Variants in RPS6KA5 observed in about 807,000 individuals in gnomAD.
RPS6KA5 encodes the protein ribosomal protein S6 kinase A5, also known as ribosomal protein S6 kinase alpha-5.
In RPS6KA5, 27 loss-of-function variants were observed where a neutral mutation model predicts 85.5. The ratio of observed to expected loss-of-function variants is 0.32; its 90% CI spans 0.23 to 0.44. The LOEUF (loss-of-function observed/expected upper bound fraction) is 0.44, where lower values mean the gene tolerates loss of function less well. RPS6KA5 is among the 20% of genes least tolerant of loss of function. The pLI is 1.00. For missense variants in RPS6KA5, 811 were observed against 980.9 expected (o/e 0.83, Z 2.31); for synonymous variants, 334 against 348.2 (o/e 0.96, Z 0.46).
intron 14 of RPS6KA5, among the ~76,000 whole-genome samples, chr14:90,883,824 T>G (rs2034011238): frequency 6.6e-6 from 1 of 152,214 alleles, no homozygotes; most frequent in African/African-American, 2.4e-5. Context: ...GTTTTTTGAT[T>G]GTTATAGGCT....
chr14:90,906,262 T>C lies in RPS6KA5; in HGVS notation c.844A>G (p.Met282Val). The change falls in exon 8 of 17, where the codon ATG becomes GTG. Residue 282 changes from methionine (M) to valine (V), a missense_variant. By Grantham distance (21) the Met-to-Val change is conservative. Coordinates refer to ENST00000614987, the MANE Select transcript of RPS6KA5 (RefSeq NM_004755.4). Reference protein sequence around the residue: ...LKSEPPYPQEMSALAKDLIQR... With the variant: ...LKSEPPYPQEVSALAKDLIQR... ...ATTAGGTCTTTCGCTAAAGCACTCATTTCTTGGGGATATGGAGGCTCACTT... is the reference window on the plus strand; with the variant it reads ...ATTAGGTCTTTCGCTAAAGCACTCACTTCTTGGGGATATGGAGGCTCACTT... 1 of 1,611,756 alleles carries C rather than the reference T, an allele frequency of 6.2e-7. No homozygotes were observed. The highest frequency in any genetic ancestry group is 1.1e-5 in the South Asian group (1 of 90,836).
chr14:91,055,008 T>G (rs1304327997), intron 1 of RPS6KA5, among the ~76,000 whole-genome samples: 1 of 152,050 alleles, frequency 6.6e-6, no homozygotes, highest in Non-Finnish European at 1.5e-5. Context: ...GAATCAAATT[T>G]CTCCAAAGGT....
intron 1 of RPS6KA5, among the ~76,000 whole-genome samples, chr14:91,010,672 A>T (rs2041219703): frequency 6.6e-6 from 1 of 152,236 alleles, no homozygotes; most frequent in African/African-American, 2.4e-5. Flanking sequence ...AATTCTGTTC[A>T]AGGAATGAGG....
At position 90,848,871 on chromosome 14, in the gene RPS6KA5, C is replaced by G. The variant is rs1039023778; in HGVS notation, c.*23203G>C. On this transcript the variant is annotated 3_prime_UTR_variant, in exon 17 of 17. Transcript: ENST00000614987. The stretch of plus-strand genomic sequence containing the variant: ...TCATAGAATCCCTTATACTTTGTAA[C>G]ATTTTCTGCTTCCTTCTTAAAAACC... The G allele has an allele frequency of 6.6e-6, 1 of 152,100 alleles. No homozygotes were observed. The highest frequency in any genetic ancestry group is 2.4e-5 in the African/African-American group (1 of 41,388). 9.4% of individuals were successfully genotyped at this position (152,100 alleles called of 1,614,324 possible).
chr14:90,950,454 T>G (rs2038114182), intron 3 of RPS6KA5, among the ~76,000 whole-genome samples: 1 of 152,230 alleles, frequency 6.6e-6, no homozygotes, highest in Admixed American at 6.5e-5. Context: ...AAGTGGATAT[T>G]CTGTCCATGT....
At position 90,862,130 on chromosome 14, in the gene RPS6KA5, A is replaced by C. The variant is rs996107454; in HGVS notation, c.*9944T>G. 6.6e-6 allele frequency: 1 copy of C among 152,352 alleles called. No individual in the cohort carries two copies. The allele number at this position is 152,352 out of a possible 1,614,324, so 9.4% of individuals were successfully genotyped here. The stretch of plus-strand genomic sequence containing the variant: ...AATACAGGAACCAAGAGGATATAGG[A>C]CAAAAATGTAAAAGAAATTGTAAGA... On this transcript the variant is annotated 3_prime_UTR_variant, in exon 17 of 17. Transcript: ENST00000614987.
intron 4 of RPS6KA5, among the ~76,000 whole-genome samples, chr14:90,943,942 T>G (rs1325041275): frequency 6.6e-6 from 1 of 152,198 alleles, no homozygotes; most frequent in Non-Finnish European, 1.5e-5. Context: ...AACTTCAAAC[T>G]TCTGGGCTAA....
intron 1 of RPS6KA5, among the ~76,000 whole-genome samples, chr14:91,043,176 T>C (rs1566899853): frequency 6.6e-6 from 1 of 152,206 alleles, no homozygotes; most frequent in Non-Finnish European, 1.5e-5. Context: ...TCCTGGTTTT[T>C]CTTCTGGCTG....
rs1394433542 is a variant in RPS6KA5, at chr14:90,866,302, T to G, written c.*5772A>C. On this transcript the variant is annotated 3_prime_UTR_variant, in exon 17 of 17. Coordinates refer to ENST00000614987, the MANE Select transcript of RPS6KA5 (RefSeq NM_004755.4). ...CACCATACTGATACCTTGTAGCTAT[T>G]AAAAAAAAATTAGCTGGGCATGGTG... The G allele has an allele frequency of 1.3e-5, 2 of 151,486 alleles. No individual in the cohort carries two copies. The highest frequency in any genetic ancestry group is 3.9e-4 in the East Asian group (2 of 5,162). 9.4% of individuals were successfully genotyped at this position (151,486 alleles called of 1,614,324 possible).
At chr14:90,984,407 G>T (rs973490965) in intron 2 of RPS6KA5, among the ~76,000 whole-genome samples, 14 of 152,216 alleles carry the variant, frequency 9.2e-5, no homozygotes, top group African/African-American at 3.4e-4. Context: ...CATTTCAGAA[G>T]AGAGAACTGG....
intron 1 of RPS6KA5, among the ~76,000 whole-genome samples, chr14:91,027,926 T>C (rs1465043084): frequency 1.3e-5 from 2 of 152,230 alleles, no homozygotes; most frequent in African/African-American, 4.8e-5. Flanking sequence ...ATAGAAGCTG[T>C]ATCTCAAACC....
chr14:90,874,056 C>A (rs2033296002), intron 15 of RPS6KA5, among the ~76,000 whole-genome samples: 1 of 152,132 alleles, frequency 6.6e-6, no homozygotes, highest in Non-Finnish European at 1.5e-5. Context: ...ACATCCAAAA[C>A]AAAGATTCCC....
chr14:90,942,127 A>G (rs1163781179), intron 5 of RPS6KA5, among the ~76,000 whole-genome samples: 2 of 152,200 alleles, frequency 1.3e-5, no homozygotes, highest in African/African-American at 4.8e-5. Flanking sequence ...TATTTATTTT[A>G]TAAGTAAACT....
At chr14:91,036,437 T>C (rs1330657202) in intron 1 of RPS6KA5, among the ~76,000 whole-genome samples, 1 of 152,112 alleles carries the variant, frequency 6.6e-6, no homozygotes, top group African/African-American at 2.4e-5. Flanking sequence ...GATGGATGGA[T>C]GGGTGGGTGG....
chr14:90,847,988 C>T lies in RPS6KA5; in HGVS notation c.*24086G>A, dbSNP rs937722486. On this transcript the variant is annotated 3_prime_UTR_variant, in exon 17 of 17. Transcript: ENST00000614987. Reference sequence around the variant, plus strand: ...AATAAAACCCATACATAAAGCTTTCCGGTCAAATTCCCGAAACATGAAAAC... The same window carrying T: ...AATAAAACCCATACATAAAGCTTTCTGGTCAAATTCCCGAAACATGAAAAC... 5.9e-5 allele frequency: 9 copies of T among 152,166 alleles called. No individual in the cohort carries two copies. Among genetic ancestry groups the T allele is most frequent in the African/African-American group, 7.2e-5 (3 of 41,432 alleles). The allele number at this position is 152,166 out of a possible 1,614,324, so 9.4% of individuals were successfully genotyped here.
At chr14:90,970,015 T>G (rs756683139) in intron 3 of RPS6KA5, among the ~76,000 whole-genome samples, 98 of 152,310 alleles carry the variant, frequency 6.4e-4, no homozygotes, top group Admixed American at 2.9e-3. Flanking sequence ...AAATCTCTCT[T>G]GATAGCTCCC....
rs1193636837 is a variant in RPS6KA5 at position 90,900,256 on chromosome 14, A to G, written c.1246-15T>C. The G allele has an allele frequency of 3.3e-6, 5 of 1,526,616 alleles. No homozygotes were observed. Among genetic ancestry groups the G allele is most frequent in the Non-Finnish European group, 4.4e-6 (5 of 1,137,566 alleles). 94.6% of individuals were successfully genotyped at this position (1,526,616 alleles called of 1,614,324 possible). A position where few individuals can be genotyped will look rare whatever the true frequency, so the allele number is the denominator to read the frequency against. ...AATGGAGAGTCCTGTCAAGAAATCA[A>G]CATCATTTAACTTCAGAAAATGTCA... On this transcript the variant is annotated splice_polypyrimidine_tract_variant and intron_variant, in intron 10 of 16. Transcript: ENST00000614987.
rs573780269 is a variant in RPS6KA5 at position 90,877,291 on chromosome 14, C to T, written c.1837-1931G>A. Among the ~76,000 whole-genome samples the T allele has an allele frequency of 5.6e-4, 86 of 152,304 alleles. 1 individual carries two copies. Among genetic ancestry groups the T allele is most frequent in the Middle Eastern group, 3.4e-3 (1 of 294 alleles). On this transcript the variant is annotated intron_variant, in intron 14 of 16. Coordinates refer to ENST00000614987, the MANE Select transcript of RPS6KA5 (RefSeq NM_004755.4). ...AACCTAATGAAGAAGATTAATTGCT[C>T]TAAGAAGGGCAATGTCAGAACGTCT...
chr14:90,895,003 C>T (rs74083893), intron 12 of RPS6KA5, among the ~76,000 whole-genome samples: 4,018 of 152,274 alleles, frequency 0.026, 158 homozygotes, highest in African/African-American at 0.09. Flanking sequence ...GAATTCCACT[C>T]CAACCCTCTC....
Sources: allele counts gnomAD v4.1 joint callset (sites outside exome capture counted in the v4.1 genomes callset), GRCh38; gene constraint gnomAD v4.1.1; transcripts MANE v1.5; gene names NCBI Gene and HGNC (gene_info 2026-07-23, HGNC 2026-07-21).